UGT2A2: variants seen among roughly 807,000 people sequenced by gnomAD.
UGT2A2 encodes UDP glucuronosyltransferase family 2 member A2, also known as UDP-glucuronosyltransferase 2A2.
A neutral mutation model predicts 50.7 loss-of-function variants in UGT2A2; 60 were observed. The observed-to-expected ratio is 1.18, with a 90% CI of 0.96 to 1.47. The LOEUF (loss-of-function observed/expected upper bound fraction) is 1.47, where lower values mean the gene tolerates loss of function less well. Among genes scored for constraint, UGT2A2 ranks in the 40% most tolerant of loss-of-function variants. UGT2A2 has a pLI of 0.00. For synonymous variants in UGT2A2, 242 were observed against 214.6 expected, an observed-to-expected ratio of 1.13 and a Z score of -1.11; for missense variants, 762 against 634.0, an observed-to-expected ratio of 1.20 and a Z score of -2.17.
intron 2 of UGT2A2, 24 bp from the exon 3 acceptor site, chr4:69,596,405 TTACAAAGG>T (rs781553714): frequency 6.5e-7 from 1 of 1,534,092 alleles, no homozygotes; most frequent in Admixed American, 2.0e-5. Flanking sequence ...ATATTTTCTA[TTACAAAGG>T]TGTAGCATCA....
intron 1 of UGT2A2, among the ~76,000 whole-genome samples, chr4:69,624,852 A>C (rs545826312): frequency 6.6e-6 from 1 of 151,386 alleles, no homozygotes; most frequent in East Asian, 1.9e-4. Flanking sequence ...ACATTTTTTA[A>C]GTCTTTTTTA....
rs368655836 is a variant in UGT2A2, at chr4:69,608,757, G to A, written c.743-9363C>T. On this transcript the variant is annotated intron_variant, in intron 1 of 5. Transcript: ENST00000604629. Reference sequence around the variant, plus strand: ...GTTGCCCAGGCTGGAGTGCAGTGGCGCCATCTCAGCTCACTGCAACCTCTG... The same window carrying A: ...GTTGCCCAGGCTGGAGTGCAGTGGCACCATCTCAGCTCACTGCAACCTCTG... 2.7e-4 allele frequency among the ~76,000 whole-genome samples: 41 copies of A among 152,028 alleles called. No individual in the cohort carries two copies. The South Asian group carries it at 6.4e-3, about 24-fold the overall frequency.
At chr4:69,629,176 T>A (rs1321807503) in intron 1 of UGT2A2, among the ~76,000 whole-genome samples, 1 of 151,914 alleles carries the variant, frequency 6.6e-6, no homozygotes, top group African/African-American at 2.4e-5. Context: ...TCTGAGCTAC[T>A]ACAAATGATG....
Position 69,595,231 on chromosome 4 carries a change from C to A in UGT2A2, c.1042G>T (p.Gly348Ter), listed in dbSNP as rs267600225. 6.2e-7 allele frequency: 1 copy of A among 1,613,672 alleles called. No individual in the cohort carries two copies. The highest frequency in any genetic ancestry group is 1.3e-5 in the African/African-American group (1 of 74,976). ...TTTCCTAATGTGGCTGGTTTCTTTC[C>A]TTTGTATCTCCATAAAACCTGTGGA... ...IPQKVLWRYK[G>*]KKPATLGNNT... The change falls in exon 4 of 6, where the codon GGA (glycine) becomes TGA (stop). Residue 348 changes from glycine to a stop codon, truncating the protein, a stop_gained. Coordinates refer to ENST00000604629, the MANE Select transcript of UGT2A2 (RefSeq NM_001105677.2). LOFTEE classifies it high-confidence loss of function.
intron 1 of UGT2A2, among the ~76,000 whole-genome samples, chr4:69,600,869 G>A (rs967027351): frequency 6.6e-6 from 1 of 151,888 alleles, no homozygotes; most frequent in Non-Finnish European, 1.5e-5. Flanking sequence ...TACCAAGGGA[G>A]GATGGCGCTA....
intron 3 of UGT2A2, 118 bp from the exon 4 acceptor site, chr4:69,595,367 G>A (rs1718861658): frequency 8.3e-7 from 1 of 1,204,434 alleles, no homozygotes; most frequent in South Asian, 1.4e-5. Flanking sequence ...TACATAAGCA[G>A]TAGTTTACAA....
intron 1 of UGT2A2, among the ~76,000 whole-genome samples, chr4:69,619,070 TC>T (rs910167322): frequency 6.6e-6 from 1 of 151,846 alleles, no homozygotes; most frequent in Non-Finnish European, 1.5e-5. Flanking sequence ...TTTATTTATA[TC>T]AGAAAAAAGT....
chr4:69,601,526 C>G (rs72852590), intron 1 of UGT2A2, among the ~76,000 whole-genome samples: 1,965 of 152,286 alleles, frequency 0.013, 35 homozygotes, highest in African/African-American at 0.045. Flanking sequence ...GGCATAATAA[C>G]ACAACCCCAA....
intron 1 of UGT2A2, among the ~76,000 whole-genome samples, chr4:69,627,707 T>C (rs894112539): frequency 2.0e-5 from 3 of 151,800 alleles, no homozygotes; most frequent in African/African-American, 7.3e-5. Flanking sequence ...TAAACACTCA[T>C]GAATACAAAG....
chr4:69,622,419 C>T (rs1463618982), intron 1 of UGT2A2, among the ~76,000 whole-genome samples: 1 of 151,556 alleles, frequency 6.6e-6, no homozygotes, highest in Non-Finnish European at 1.5e-5. Context: ...TTATCTGAAA[C>T]AATTCTTAAC....
At chr4:69,634,050 C>T (rs576750553) in intron 1 of UGT2A2, among the ~76,000 whole-genome samples, 71 of 152,012 alleles carry the variant, frequency 4.7e-4, no homozygotes, top group Admixed American at 1.6e-3. Context: ...TCGAGACCAT[C>T]CTGGCTAACA....
chr4:69,637,718 G>T (rs915394479), intron 1 of UGT2A2, among the ~76,000 whole-genome samples: 3 of 151,936 alleles, frequency 2.0e-5, no homozygotes, highest in African/African-American at 4.8e-5. Context: ...TTTATTTATT[G>T]GTTGTCTCCT....
Position 69,618,915 on chromosome 4 carries a change from T to A in UGT2A2, c.743-19521A>T, listed in dbSNP as rs80356027. Among the ~76,000 whole-genome samples, 175 of 151,972 alleles carry A rather than the reference T, an allele frequency of 1.2e-3. 2 individuals are homozygous for A. In the East Asian group the frequency reaches 0.032, roughly 28 times the overall value. Reference sequence around the variant, plus strand: ...CTCAACATTGAAAGGTTAGAAGAAATTTTTTAAAAACTCAGGATCAAGACA... The same window carrying A: ...CTCAACATTGAAAGGTTAGAAGAAAATTTTTAAAAACTCAGGATCAAGACA... On this transcript the variant is annotated intron_variant, in intron 1 of 5. Coordinates refer to ENST00000604629, the MANE Select transcript of UGT2A2 (RefSeq NM_001105677.2).
In UGT2A2 at chr4:69,588,600, T is replaced by C. The variant is rs1210694236; in HGVS notation, c.*772A>G. The C allele has an allele frequency of 6.6e-6, 1 of 152,102 alleles. No homozygotes were observed. Among genetic ancestry groups the C allele is most frequent in the Non-Finnish European group, 1.5e-5 (1 of 67,994 alleles). The allele number at this position is 152,102 out of a possible 1,614,324, so 9.4% of individuals were successfully genotyped here. On this transcript the variant is annotated 3_prime_UTR_variant, in exon 6 of 6. Coordinates refer to ENST00000604629, the MANE Select transcript of UGT2A2 (RefSeq NM_001105677.2). ...TAATTATTTTCTAGATTTCTAATTG[T>C]TATATCCTCTAAATATGATCTGTTC... is the stretch of plus-strand genomic sequence containing the variant.
At chr4:69,630,470 T>A (rs1041135691) in intron 1 of UGT2A2, among the ~76,000 whole-genome samples, 4 of 152,122 alleles carry the variant, frequency 2.6e-5, no homozygotes, top group African/African-American at 9.7e-5. Context: ...CTATTCCCTC[T>A]CCTTTTAACC....
intron 1 of UGT2A2, among the ~76,000 whole-genome samples, chr4:69,617,030 T>C (rs2109928677): frequency 1.3e-5 from 2 of 152,024 alleles, no homozygotes. Flanking sequence ...GGAAATAGGA[T>C]ATAATTTCAG....
chr4:69,636,407 T>G (rs1185465354), intron 1 of UGT2A2, among the ~76,000 whole-genome samples: 3 of 152,170 alleles, frequency 2.0e-5, no homozygotes, highest in African/African-American at 4.8e-5. Flanking sequence ...TACCTTAATT[T>G]GAAATAAAAT....
intron 1 of UGT2A2, among the ~76,000 whole-genome samples, chr4:69,609,817 A>T (rs1489826487): frequency 6.6e-6 from 1 of 152,192 alleles, no homozygotes; most frequent in Non-Finnish European, 1.5e-5. Context: ...AATTACAGTC[A>T]ATTGTCAATT....
At chr4:69,631,875 C>T (rs1320727421) in intron 1 of UGT2A2, among the ~76,000 whole-genome samples, 1 of 152,018 alleles carries the variant, frequency 6.6e-6, no homozygotes, top group East Asian at 1.9e-4. Flanking sequence ...CACAAGGCTA[C>T]CACTTCACAC....
Sources: gnomAD v4.1 joint callset for allele counts (sites outside exome capture counted in the v4.1 genomes callset) on GRCh38, gnomAD v4.1.1 for gene constraint, MANE v1.5 for transcripts, NCBI Gene and HGNC (gene_info 2026-07-23, HGNC 2026-07-21) for gene names.